The following MPPED1 variants were observed in gnomAD, a reference collection of about 807,000 sequenced individuals.
MPPED1 encodes the protein metallophosphoesterase domain-containing protein 1.
Under a neutral mutation model 36.2 loss-of-function variants are expected in MPPED1, and 16 were observed. The ratio of observed to expected loss-of-function variants is 0.44; its 90% CI spans 0.30 to 0.67. The LOEUF (loss-of-function observed/expected upper bound fraction) is 0.67. MPPED1 is among the 30% of genes least tolerant of loss of function. The pLI is 0.10. For synonymous variants in MPPED1, 199 were observed against 191.3 expected, an observed-to-expected ratio of 1.04 and a Z score of -0.33; for missense variants, 307 against 453.4, an observed-to-expected ratio of 0.68 and a Z score of 2.93.
chr22:43,415,743 G>T (rs953594941), intron 1 of MPPED1, among the ~76,000 whole-genome samples: 11 of 152,030 alleles, frequency 7.2e-5, no homozygotes, highest in African/African-American at 2.7e-4. Context: ...CAAAGCCAGG[G>T]ATGAGTAGGC....
chr22:43,462,973 GA>G (rs1931006421), intron 3 of MPPED1, among the ~76,000 whole-genome samples: 1 of 152,168 alleles, frequency 6.6e-6, no homozygotes, highest in African/African-American at 2.4e-5. Context: ...TTGCATGTTA[GA>G]AAAGATCTTT....
intron 1 of MPPED1, chr22:43,416,968 T>C (rs1929097180): frequency 3.0e-6 from 3 of 985,318 alleles, no homozygotes; most frequent in Non-Finnish European, 3.6e-6. Flanking sequence ...TAGCTAAAAT[T>C]AAAGGAATAA....
At chr22:43,501,878 A>G (rs547930865) in intron 5 of MPPED1, among the ~76,000 whole-genome samples, 4 of 150,056 alleles carry the variant, frequency 2.7e-5, no homozygotes, top group African/African-American at 9.8e-5. Context: ...TCTTCTCTTT[A>G]TGCCTGTTGC....
At chr22:43,478,167 G>T (rs1931636367) in intron 4 of MPPED1, among the ~76,000 whole-genome samples, 1 of 152,230 alleles carries the variant, frequency 6.6e-6, no homozygotes. Context: ...AGCTCTTCCT[G>T]CTCCAGGGCG....
chr22:43,470,987 T>C (rs1283917767), intron 3 of MPPED1, among the ~76,000 whole-genome samples: 2 of 152,198 alleles, frequency 1.3e-5, no homozygotes, highest in Non-Finnish European at 2.9e-5. Context: ...CCCTGCTCCC[T>C]TGCATTATGT....
chr22:43,449,983 G>A lies in MPPED1; in HGVS notation c.406+14768G>A, dbSNP rs376903705. Among the ~76,000 whole-genome samples, 24 of 152,354 alleles carry A rather than the reference G, an allele frequency of 1.6e-4. No homozygotes were observed. The East Asian group carries it at 2.9e-3, about 18-fold the overall frequency. ...GAGAGATGGGGCTGCAGAATGGGCG[G>A]GCCCAGCCGGGTGGCGGTGGTTTGT... is the stretch of plus-strand genomic sequence containing the variant. On this transcript the variant is annotated intron_variant, in intron 3 of 6. Coordinates refer to ENST00000443721, the MANE Select transcript of MPPED1 (RefSeq NM_001044370.2).
chr22:43,492,698 C>A (rs1418391692), intron 4 of MPPED1, among the ~76,000 whole-genome samples: 1 of 152,208 alleles, frequency 6.6e-6, no homozygotes, highest in Admixed American at 6.5e-5. Context: ...TCTCCTGGAG[C>A]CTGCTCATGG....
intron 1 of MPPED1, chr22:43,416,502 C>T (rs1303881176): frequency 2.0e-5 from 3 of 152,350 alleles, no homozygotes; most frequent in Non-Finnish European, 4.4e-5. Flanking sequence ...GCCTCTTCCC[C>T]TCCCTAGCCA....
At chr22:43,433,116 G>A (rs1187826114) in intron 2 of MPPED1, among the ~76,000 whole-genome samples, 2 of 151,970 alleles carry the variant, frequency 1.3e-5, no homozygotes, top group African/African-American at 2.4e-5. Context: ...CATGGGGAGT[G>A]GGGGTCACTG....
chr22:43,480,826 CTT>C (rs538718282), intron 4 of MPPED1, among the ~76,000 whole-genome samples: 17 of 137,858 alleles, frequency 1.2e-4, no homozygotes, highest in Non-Finnish European at 2.1e-4. Flanking sequence ...CTTTTCTTTT[CTT>C]TTTTTTTTTT....
At chr22:43,484,572 A>C (rs769168858) in intron 4 of MPPED1, among the ~76,000 whole-genome samples, 99 of 152,164 alleles carry the variant, frequency 6.5e-4, no homozygotes, top group Middle Eastern at 3.4e-3. Context: ...TGTAGAGAGG[A>C]TTCTCCCTCT....
intron 4 of MPPED1, among the ~76,000 whole-genome samples, chr22:43,497,012 G>A (rs1359660499): frequency 1.5e-5 from 2 of 136,710 alleles, no homozygotes; most frequent in Non-Finnish European, 3.1e-5. Context: ...GGTGGTGGAG[G>A]TAGTGGTGGT....
intron 4 of MPPED1, among the ~76,000 whole-genome samples, chr22:43,490,297 C>G (rs1932042608): frequency 6.6e-6 from 1 of 152,184 alleles, no homozygotes; most frequent in Non-Finnish European, 1.5e-5. Context: ...AATTCCAGAC[C>G]CGCTGCCCTG....
At position 43,490,778 on chromosome 22, in the gene MPPED1, A is replaced by G. The variant is rs551565976; in HGVS notation, c.633-7457A>G. 9.1e-4 allele frequency among the ~76,000 whole-genome samples: 139 copies of G among 152,278 alleles called. 1 individual carries two copies. Among genetic ancestry groups the G allele is most frequent in the African/African-American group, 3.0e-3 (126 of 41,554 alleles). On this transcript the variant is annotated intron_variant, in intron 4 of 6. Transcript: ENST00000443721. Reference sequence around the variant, plus strand: ...GGCTGGGGCTCCAGGGAGGACCCTAAGTGGCTTCTAAGCCACTGAGTCCTT... The same window carrying G: ...GGCTGGGGCTCCAGGGAGGACCCTAGGTGGCTTCTAAGCCACTGAGTCCTT...
At chr22:43,431,025 T>C (rs891434064) in intron 2 of MPPED1, among the ~76,000 whole-genome samples, 7 of 6,592 alleles carry the variant, frequency 1.1e-3, no homozygotes, top group Admixed American at 1.6e-3. Context: ...TTGTTAATTT[T>C]TTTTTTTTTT....
chr22:43,494,649 T>C lies in MPPED1; in HGVS notation c.633-3586T>C, dbSNP rs555496996. 7.6e-3 allele frequency among the ~76,000 whole-genome samples: 1,099 copies of C among 145,238 alleles called. 14 individuals are homozygous for C. Among genetic ancestry groups the C allele is most frequent in the African/African-American group, 0.027 (1,050 of 38,950 alleles). ...TAAATAAGGTCATATTCACAGGTCC[T>C]GGGGGTTGGCAACATGTCTTTTTGG... On this transcript the variant is annotated intron_variant, in intron 4 of 6. Coordinates refer to ENST00000443721, the MANE Select transcript of MPPED1 (RefSeq NM_001044370.2).
chr22:43,505,524 A>C lies in MPPED1; in HGVS notation c.889A>C (p.Thr297Pro). The C allele has an allele frequency of 6.2e-7, 1 of 1,611,554 alleles. No individual in the cohort carries two copies. Among genetic ancestry groups the C allele is most frequent in the Non-Finnish European group, 8.5e-7 (1 of 1,179,014 alleles). The change falls in exon 7 of 7, where the codon ACC (threonine) becomes CCC (proline). Residue 297 changes from threonine (T) to proline (P), a missense_variant. By Grantham distance (38) the Thr-to-Pro change is conservative (BLOSUM62 -1). This residue lies in a region of MPPED1 where 132 missense variants were observed against 212.3 expected (regional missense o/e 0.62). Coordinates refer to ENST00000443721, the MANE Select transcript of MPPED1 (RefSeq NM_001044370.2). ...GTATGGTGTCATGGCAGATGGGACG[A>C]CCACCTATGTGAATGCGTCCGTATG... ...EGYGVMADGT[T>P]TYVNASVCTV...
At chr22:43,491,798 G>A in intron 4 of MPPED1, among the ~76,000 whole-genome samples, 1 of 151,242 alleles carries the variant, frequency 6.6e-6, no homozygotes, top group African/African-American at 2.4e-5. Context: ...TAATGATTGA[G>A]GTGGTGGTGA....
rs1230947836 is a variant in MPPED1, at chr22:43,502,436, G to C, written c.749-208G>C. ...CTCAGTGCAGCCCTATGGAGGAGGA[G>C]GGTGAGGCTGCAAGGTCCTGAATGG... On this transcript the variant is annotated intron_variant, in intron 5 of 6. Coordinates refer to ENST00000443721, the MANE Select transcript of MPPED1 (RefSeq NM_001044370.2). This position sits in a 1 kb window ranked among gnomAD's most constrained non-coding sequence, Gnocchi z 5.5. 6.6e-6 allele frequency among the ~76,000 whole-genome samples: 1 copy of C among 152,204 alleles called. No homozygotes were observed. The highest frequency in any genetic ancestry group is 1.5e-5 in the Non-Finnish European group (1 of 68,020).
Sources: gnomAD v4.1 joint callset for allele counts (sites outside exome capture counted in the v4.1 genomes callset) on GRCh38, gnomAD v4.1.1 for gene constraint, gnomAD v4.1.1 regional missense constraint, Gnocchi (gnomAD v3.1) non-coding constraint, MANE v1.5 for transcripts, NCBI Gene and HGNC (gene_info 2026-07-23, HGNC 2026-07-21) for gene names.